CTNNA2: variants seen among roughly 807,000 people sequenced by gnomAD.
CTNNA2 encodes catenin alpha-2.
Under a neutral mutation model 101.0 loss-of-function variants are expected in CTNNA2, and 42 were observed. The observed-to-expected ratio is 0.42, with a 90% confidence interval of 0.32 to 0.54. The LOEUF (loss-of-function observed/expected upper bound fraction) is 0.54. Among genes scored for constraint, CTNNA2 ranks in the 20% least tolerant of loss-of-function variants. The pLI, the probability that CTNNA2 is intolerant of heterozygous loss-of-function variation, is 0.14. For missense variants in CTNNA2, 871 were observed against 1,223.1 expected (o/e 0.71, Z 4.29); for synonymous variants, 450 against 456.4 (o/e 0.99, Z 0.18).
At chr2:79,584,807 A>G (rs1373641818) in intron 1 of CTNNA2, among the ~76,000 whole-genome samples, 2 of 152,214 alleles carry the variant, frequency 1.3e-5, no homozygotes, top group African/African-American at 4.8e-5. Flanking sequence ...GGCGTGAGCC[A>G]CCGCACCCGG....
At chr2:80,574,043 G>A (rs934744470) in intron 12 of CTNNA2, 120 bp from the exon 13 acceptor site, 2 of 948,236 alleles carry the variant, frequency 2.1e-6, no homozygotes, top group Non-Finnish European at 3.2e-6. Flanking sequence ...CTGGACAGAT[G>A]AGTGTCTTGC....
At chr2:80,383,024 T>G (rs2149351633) in intron 7 of CTNNA2, among the ~76,000 whole-genome samples, 1 of 152,296 alleles carries the variant, frequency 6.6e-6, no homozygotes, top group Non-Finnish European at 1.5e-5. Context: ...TTTAGCAGTT[T>G]GCTCAGTTCA....
intron 4 of CTNNA2, among the ~76,000 whole-genome samples, chr2:79,463,134 G>A (rs1051163420): frequency 1.8e-4 from 28 of 152,132 alleles, no homozygotes; most frequent in African/African-American, 6.5e-4. Flanking sequence ...GCTCTTGGCT[G>A]GGCGCAGTGG....
chr2:80,326,126 A>T (rs1330196547), intron 7 of CTNNA2, among the ~76,000 whole-genome samples: 2 of 152,206 alleles, frequency 1.3e-5, no homozygotes, highest in African/African-American at 4.8e-5. Flanking sequence ...ATATTGAGGG[A>T]ACTTGCTGGC....
chr2:79,783,327 G>A (rs1674597174), intron 3 of CTNNA2, among the ~76,000 whole-genome samples: 1 of 152,012 alleles, frequency 6.6e-6, no homozygotes, highest in Non-Finnish European at 1.5e-5. Flanking sequence ...CACAATCCCA[G>A]GCCAGAAGCC....
At chr2:79,872,422 C>A (rs936142906) in intron 5 of CTNNA2, among the ~76,000 whole-genome samples, 9 of 152,080 alleles carry the variant, frequency 5.9e-5, no homozygotes, top group Non-Finnish European at 1.3e-4. Flanking sequence ...AATGGAATTT[C>A]TGGACCAGAT....
chr2:79,986,586 G>A (rs1009608297), intron 7 of CTNNA2, among the ~76,000 whole-genome samples: 15 of 152,164 alleles, frequency 9.9e-5, no homozygotes, highest in South Asian at 6.2e-4. Context: ...TTTTATGCAG[G>A]TGGAGGGGCT....
intron 9 of CTNNA2, among the ~76,000 whole-genome samples, chr2:80,526,615 G>C (rs1202966859): frequency 2.6e-5 from 4 of 152,042 alleles, no homozygotes; most frequent in Non-Finnish European, 4.4e-5. Context: ...TTACAGACGT[G>C]AGCCACTGTG....
At chr2:79,524,795 GT>G (rs1464209200) in intron 1 of CTNNA2, 1 of 151,786 alleles carries the variant, frequency 6.6e-6, no homozygotes, top group Non-Finnish European at 1.5e-5. Context: ...ACCAATATCA[GT>G]ATATTTGTGA....
chr2:80,356,934 G>A (rs544833602), intron 7 of CTNNA2, among the ~76,000 whole-genome samples: 48 of 152,312 alleles, frequency 3.2e-4, no homozygotes, highest in African/African-American at 6.5e-4. Flanking sequence ...CAAAAGGCTA[G>A]AGGCCTAGCG....
intron 4 of CTNNA2, among the ~76,000 whole-genome samples, chr2:79,487,424 A>G (rs1349224621): frequency 2.0e-5 from 3 of 152,200 alleles, no homozygotes; most frequent in Admixed American, 6.5e-5. Flanking sequence ...GGCTTGGTCA[A>G]CAGAGTGTAG....
chr2:79,523,163 C>A, intron 1 of CTNNA2: 1 of 362,018 alleles, frequency 2.8e-6, no homozygotes, highest in South Asian at 2.2e-5. Context: ...TGTAACATTG[C>A]ATTTTTTTGG....
intron 1 of CTNNA2, chr2:79,197,912 T>C (rs891660330): frequency 6.6e-6 from 1 of 152,456 alleles, no homozygotes; most frequent in African/African-American, 2.4e-5. Flanking sequence ...TAGCTGAGAC[T>C]ACAGGCGCAT....
At chr2:80,235,036 T>C (rs1343548062) in intron 7 of CTNNA2, among the ~76,000 whole-genome samples, 1 of 152,196 alleles carries the variant, frequency 6.6e-6, no homozygotes, top group Non-Finnish European at 1.5e-5. Flanking sequence ...TTCGTTGATA[T>C]ATGGTATGCC....
chr2:79,467,492 G>A (rs557435153), intron 4 of CTNNA2, among the ~76,000 whole-genome samples: 2 of 152,236 alleles, frequency 1.3e-5, no homozygotes, highest in East Asian at 3.9e-4. Flanking sequence ...ACCTAGCAAG[G>A]CAGGCCAACA....
chr2:79,669,179 C>T (rs532674305), intron 2 of CTNNA2, among the ~76,000 whole-genome samples: 19 of 152,148 alleles, frequency 1.2e-4, no homozygotes, highest in African/African-American at 3.6e-4. Flanking sequence ...GCCATGAAAC[C>T]GGTATGATAG....
At chr2:79,312,684 T>C (rs1286611958) in intron 2 of CTNNA2, 1 of 152,192 alleles carries the variant, frequency 6.6e-6, no homozygotes, top group Non-Finnish European at 1.5e-5. Context: ...CCAGCTTAAA[T>C]AATACTCTTG....
intron 2 of CTNNA2, among the ~76,000 whole-genome samples, chr2:79,694,368 G>A (rs974259809): frequency 6.6e-6 from 1 of 151,924 alleles, no homozygotes; most frequent in African/African-American, 2.4e-5. Context: ...GGGCATCATC[G>A]TGATTGCAAT....
At chr2:80,010,309 T>C (rs1017304128) in intron 7 of CTNNA2, among the ~76,000 whole-genome samples, 1 of 152,058 alleles carries the variant, frequency 6.6e-6, no homozygotes, top group Non-Finnish European at 1.5e-5. Context: ...AGGCCAATTG[T>C]GTTAAGTGAT....
Sources: gnomAD v4.1 joint callset for allele counts (sites outside exome capture counted in the v4.1 genomes callset) on GRCh38, gnomAD v4.1.1 for gene constraint, MANE v1.5 for transcripts, NCBI Gene and HGNC (gene_info 2026-07-23, HGNC 2026-07-21) for gene names.